The following CIT variants were observed in gnomAD, a reference collection of about 807,000 sequenced individuals.
CIT encodes citron Rho-interacting kinase.
CIT carries 79 observed loss-of-function variants against 272.7 expected under a neutral mutation model. The observed-to-expected ratio is 0.29, with a 90% CI of 0.24 to 0.35. CIT has a LOEUF of 0.35. Among genes scored for constraint, CIT ranks in the 10% least tolerant of loss-of-function variants. CIT has a pLI of 1.00. For synonymous variants in CIT, 948 were observed against 995.6 expected (o/e 0.95, Z 0.90); for missense variants, 1,909 against 2,618.3 (o/e 0.73, Z 5.91).
intron 23 of CIT, among the ~76,000 whole-genome samples, chr12:119,748,611 G>C (rs1959781405): frequency 6.6e-6 from 1 of 152,248 alleles, no homozygotes; most frequent in Non-Finnish European, 1.5e-5. Flanking sequence ...CAGAGGGCTT[G>C]ATATTTATGT....
intron 22 of CIT, among the ~76,000 whole-genome samples, chr12:119,753,655 T>A (rs1255271038): frequency 1.3e-5 from 2 of 151,602 alleles, no homozygotes; most frequent in Admixed American, 6.6e-5. Context: ...GAGAATCACT[T>A]GAACCTGGCA....
chr12:119,833,890 GC>G (rs571801497), intron 6 of CIT, among the ~76,000 whole-genome samples, 195 bp downstream of exon 6: 172 of 152,270 alleles, frequency 1.1e-3, no homozygotes, highest in African/African-American at 3.7e-3. Flanking sequence ...TAGATCTATT[GC>G]ACTGCTGGAT....
chr12:119,861,901 A>G (rs956462846), intron 3 of CIT, among the ~76,000 whole-genome samples: 1 of 152,374 alleles, frequency 6.6e-6, no homozygotes, highest in East Asian at 1.9e-4. Flanking sequence ...ATAAAAGAAC[A>G]TTAGGCACAT....
chr12:119,791,522 G>A (rs191581903), intron 10 of CIT, among the ~76,000 whole-genome samples: 14 of 152,150 alleles, frequency 9.2e-5, no homozygotes, highest in South Asian at 2.1e-4. Context: ...CTCTGGGCTC[G>A]ACGAGATGCA....
At chr12:119,742,284 CA>C in intron 24 of CIT, 126 bp downstream of exon 24, 1 of 622,498 alleles carries the variant, frequency 1.6e-6, no homozygotes, top group Non-Finnish European at 2.6e-6. Context: ...AGGTTGATTG[CA>C]TTATCTTCTT....
In CIT at chr12:119,782,564, T is replaced by C. The variant is rs1376535517; in HGVS notation, c.1619A>G (p.His540Arg). The part of the protein sequence containing the change: ...QEDDKALQLL[H>R]DIREQSRKLQ... ...CTTCCGGCTCTGCTCTCTGATATCATGGAGAAGCTGCAGTGCTTTGTCATC... is the reference window on the plus strand; with the variant it reads ...CTTCCGGCTCTGCTCTCTGATATCACGGAGAAGCTGCAGTGCTTTGTCATC... The change falls in exon 13 of 48, where the codon CAT becomes CGT. Residue 540 changes from histidine (H) to arginine (R), a missense_variant. His to Arg is a conservative substitution (Grantham distance 29, BLOSUM62 0). Around this residue, in one of 8 missense-constraint regions of CIT, gnomAD observed 19 missense variants for 21.4 expected, o/e 0.89. Transcript: ENST00000392521. 2.5e-6 allele frequency: 4 copies of C among 1,614,218 alleles called. No homozygotes were observed. Among genetic ancestry groups the C allele is most frequent in the South Asian group, 2.2e-5 (2 of 91,084 alleles).
chr12:119,688,619 GC>G (rs1441928189), intron 47 of CIT, among the ~76,000 whole-genome samples: 1 of 152,220 alleles, frequency 6.6e-6, no homozygotes, highest in African/African-American at 2.4e-5. Context: ...CAGAAAATCA[GC>G]CCCAAATGGC....
chr12:119,736,513 G>A (rs1192132159), intron 24 of CIT, among the ~76,000 whole-genome samples: 2 of 152,166 alleles, frequency 1.3e-5, no homozygotes, highest in Non-Finnish European at 2.9e-5. Flanking sequence ...TTTAGTGTAT[G>A]GTCTAATGGT....
intron 46 of CIT, among the ~76,000 whole-genome samples, chr12:119,691,833 G>T (rs1242239635): frequency 6.6e-5 from 10 of 152,120 alleles, no homozygotes; most frequent in Non-Finnish European, 1.0e-4. Context: ...AAAAGTACTA[G>T]GGTCCCTATT....
intron 10 of CIT, among the ~76,000 whole-genome samples, chr12:119,786,019 T>C (rs1172377334): frequency 6.6e-6 from 1 of 152,224 alleles, no homozygotes; most frequent in Non-Finnish European, 1.5e-5. Context: ...CTGGTTCTGT[T>C]TGAACGCTAG....
At chr12:119,772,997 G>T in intron 16 of CIT, 87 bp from the exon 17 acceptor site, 145 of 822,192 alleles carry the variant, frequency 1.8e-4, no homozygotes, top group Non-Finnish European at 2.1e-4. Context: ...ATGTATCCCA[G>T]AACTTAAAGT....
chr12:119,847,087 C>G (rs1438612443), intron 5 of CIT, among the ~76,000 whole-genome samples: 1 of 152,062 alleles, frequency 6.6e-6, no homozygotes. Flanking sequence ...CAGGTTCACA[C>G]CGTTCTCCTC....
In CIT at chr12:119,704,400, C is replaced by T. The variant is rs769403529; in HGVS notation, c.5267G>A (p.Arg1756His). 9 of 1,613,846 alleles carry T rather than the reference C, an allele frequency of 5.6e-6. No individual in the cohort carries two copies. Among genetic ancestry groups the T allele is most frequent in the Non-Finnish European group, 7.6e-6 (9 of 1,179,882 alleles). Residue 1756 changes from arginine to histidine, a missense_variant, in exon 41 of 48, where the codon CGC becomes CAC. Coordinates refer to ENST00000392521, the MANE Select transcript of CIT (RefSeq NM_001206999.2). ...GTATTTGCTGAGGTTTTCGTTGTAGCGGAGAATGACGACTTTGCTGGGCAT... is the reference window on the plus strand; with the variant it reads ...GTATTTGCTGAGGTTTTCGTTGTAGTGGAGAATGACGACTTTGCTGGGCAT... ...AAMPSKVVIL[R>H]YNENLSKYCI...
intron 32 of CIT, among the ~76,000 whole-genome samples, chr12:119,714,737 T>C (rs148161684): frequency 1.0e-3 from 159 of 152,270 alleles, no homozygotes; most frequent in African/African-American, 3.5e-3. Context: ...GGTGAGAATG[T>C]AAAAATGGTG....
rs563255950 is a variant in CIT, at chr12:119,713,397, C to T, written c.4487+71G>A. The T allele has an allele frequency of 1.6e-5, 26 of 1,589,888 alleles. No homozygotes were observed. The highest frequency in any genetic ancestry group is 2.2e-5 in the Non-Finnish European group (25 of 1,162,210). On this transcript the variant is annotated intron_variant, in intron 34 of 47. Coordinates refer to ENST00000392521, the MANE Select transcript of CIT (RefSeq NM_001206999.2). The surrounding 1 kb of genome is among the most constrained non-coding windows in gnomAD (Gnocchi z 5.2). ...GCAGAGTTCCTAGAAAAGACACTTCCCTAGAAAACATCAGGGACAGAGTGG... is the reference window on the plus strand; with the variant it reads ...GCAGAGTTCCTAGAAAAGACACTTCTCTAGAAAACATCAGGGACAGAGTGG...
intron 28 of CIT, among the ~76,000 whole-genome samples, chr12:119,723,826 CAA>C (rs1366979099): frequency 6.6e-6 from 1 of 152,106 alleles, no homozygotes; most frequent in Admixed American, 6.6e-5. Flanking sequence ...CAAAACTACC[CAA>C]AGAGCACAGG....
intron 3 of CIT, among the ~76,000 whole-genome samples, chr12:119,860,131 A>G (rs11064935): frequency 0.048 from 7,289 of 151,848 alleles, 327 homozygotes; most frequent in African/African-American, 0.12. Context: ...AACTGTAACT[A>G]CTCTTGCCCA....
intron 24 of CIT, among the ~76,000 whole-genome samples, chr12:119,740,938 G>A (rs754629148): frequency 3.3e-5 from 5 of 152,114 alleles, no homozygotes; most frequent in Non-Finnish European, 7.3e-5. Flanking sequence ...TGGTCTGTCA[G>A]TTCCCTACTA....
chr12:119,800,199 G>C (rs1453523565), intron 10 of CIT, among the ~76,000 whole-genome samples: 1 of 152,126 alleles, frequency 6.6e-6, no homozygotes, highest in African/African-American at 2.4e-5. Flanking sequence ...TGGGGATTTG[G>C]TTTGGGCTCT....
Sources: allele counts gnomAD v4.1 joint callset (sites outside exome capture counted in the v4.1 genomes callset), GRCh38; gene constraint gnomAD v4.1.1; regional missense constraint gnomAD v4.1.1; non-coding constraint Gnocchi (gnomAD v3.1); transcripts MANE v1.5; gene names NCBI Gene and HGNC (gene_info 2026-07-23, HGNC 2026-07-21).